The following AIG1 variants were observed in gnomAD, a reference collection of about 807,000 sequenced individuals.
The protein encoded by AIG1 is androgen induced 1.
A neutral mutation model predicts 31.4 loss-of-function variants in AIG1; 23 were observed. That is an observed-to-expected ratio of 0.73 (90% CI 0.53 to 1.04). The LOEUF is 1.04. AIG1 is among the 50% of genes least tolerant of loss of function. The pLI is 0.00. For synonymous variants in AIG1, 100 were observed against 110.5 expected (o/e 0.90, Z 0.60); for missense variants, 274 against 295.0 (o/e 0.93, Z 0.52).
chr6:143,070,970 A>T (rs1370020726), intron 1 of AIG1, among the ~76,000 whole-genome samples: 1 of 152,216 alleles, frequency 6.6e-6, no homozygotes, highest in Non-Finnish European at 1.5e-5. Flanking sequence ...CAGTGGTTAC[A>T]CCTTGCAAAA....
At chr6:143,167,980 G>A (rs1787124890) in intron 3 of AIG1, among the ~76,000 whole-genome samples, 1 of 152,092 alleles carries the variant, frequency 6.6e-6, no homozygotes, top group African/African-American at 2.4e-5. Context: ...TTCTGTATCT[G>A]TGCAACTATA....
intron 3 of AIG1, among the ~76,000 whole-genome samples, chr6:143,217,867 C>T (rs925635725): frequency 6.6e-6 from 1 of 152,186 alleles, no homozygotes; most frequent in Non-Finnish European, 1.5e-5. Flanking sequence ...TTACTGATCA[C>T]GTGGTAGGAT....
At chr6:143,227,728 G>T (rs149079842) in intron 3 of AIG1, among the ~76,000 whole-genome samples, 1 of 152,154 alleles carries the variant, frequency 6.6e-6, no homozygotes, top group Non-Finnish European at 1.5e-5. Flanking sequence ...GGCCATAGGG[G>T]TTGGGTCTTG....
intron 4 of AIG1, among the ~76,000 whole-genome samples, chr6:143,315,074 C>G (rs1048922052): frequency 5.3e-5 from 8 of 152,056 alleles, no homozygotes; most frequent in African/African-American, 1.9e-4. Context: ...ACTATATTTT[C>G]TAAGTGGAAA....
chr6:143,257,970 A>G (rs1201873623), intron 3 of AIG1, among the ~76,000 whole-genome samples: 2 of 152,132 alleles, frequency 1.3e-5, no homozygotes, highest in African/African-American at 4.8e-5. Flanking sequence ...CACAGTGGCT[A>G]GTTCTTTTTC....
rs189408944 is a variant in AIG1 at position 143,209,187 on chromosome 6, G to A, written c.399+44004G>A. Among the ~76,000 whole-genome samples the A allele has an allele frequency of 2.8e-4, 42 of 152,302 alleles. 1 individual carries two copies. Among genetic ancestry groups the A allele is most frequent in the African/African-American group, 9.6e-4 (40 of 41,576 alleles). On this transcript the variant is annotated intron_variant, in intron 3 of 5. Coordinates refer to ENST00000357847, the MANE Select transcript of AIG1 (RefSeq NM_016108.4). ...CTTTAACAAGAAGCAAATGTATATC[G>A]TTGTGATCCATTTACCACGTACTGA...
At position 143,340,974 on chromosome 6, in the gene AIG1, T is replaced by C. The variant is rs1777836420; in HGVS notation, c.*1298T>C. Among the ~76,000 whole-genome samples the C allele has an allele frequency of 6.6e-6, 1 of 152,146 alleles. No homozygotes were observed. The highest frequency in any genetic ancestry group is 2.4e-5 in the African/African-American group (1 of 41,440). Reference sequence around the variant, plus strand: ...TTAAAAAATGAAAAGCATTAAACTTTTTAATTTGAAAAAAATTTAAACTCA... The same window carrying C: ...TTAAAAAATGAAAAGCATTAAACTTCTTAATTTGAAAAAAATTTAAACTCA... On this transcript the variant is annotated 3_prime_UTR_variant, in exon 6 of 6. Coordinates refer to ENST00000357847, the MANE Select transcript of AIG1 (RefSeq NM_016108.4).
In AIG1 at chr6:143,291,305, T is replaced by C. The variant is rs972858188; in HGVS notation, c.515+7080T>C. Among the ~76,000 whole-genome samples, 5 of 152,140 alleles carry C rather than the reference T, an allele frequency of 3.3e-5. No individual in the cohort carries two copies. The highest frequency in any genetic ancestry group is 1.2e-4 in the African/African-American group (5 of 41,434). On this transcript the variant is annotated intron_variant, in intron 4 of 5. Transcript: ENST00000357847. This position sits in a 1 kb window ranked among gnomAD's most constrained non-coding sequence, Gnocchi z 4.2. ...TGATGGTGGCCCACCCAAGAAAGAA[T>C]GGCTCCTGGGCAAGAGTTTTCCAGC... is the stretch of plus-strand genomic sequence containing the variant.
downstream of AIG1, chr6:143,342,156 T>G (rs1777869200): frequency 1.8e-6 from 1 of 553,610 alleles, no homozygotes; most frequent in African/African-American, 1.9e-5. Context: ...ACTCCCGACC[T>G]TAGGTGATCA....
intron 2 of AIG1, among the ~76,000 whole-genome samples, chr6:143,152,114 TA>T (rs1208248550): frequency 1.3e-5 from 2 of 152,338 alleles, no homozygotes; most frequent in East Asian, 3.9e-4. Flanking sequence ...ATTCTGGTCA[TA>T]GTATTCTGTT....
chr6:143,305,027 G>A (rs1314371885), intron 4 of AIG1, among the ~76,000 whole-genome samples: 7 of 152,178 alleles, frequency 4.6e-5, no homozygotes, highest in Non-Finnish European at 1.0e-4. Context: ...GGTGTTTGTA[G>A]TATTCTCTGA....
chr6:143,192,892 A>G (rs1789919533), intron 3 of AIG1, among the ~76,000 whole-genome samples: 1 of 152,230 alleles, frequency 6.6e-6, no homozygotes, highest in Non-Finnish European at 1.5e-5. Flanking sequence ...AGTGGAGTAC[A>G]TAAATCTTTA....
chr6:143,275,802 G>A (rs1321113636), intron 3 of AIG1, among the ~76,000 whole-genome samples: 3 of 152,190 alleles, frequency 2.0e-5, no homozygotes, highest in Non-Finnish European at 1.5e-5. Context: ...TGGTTTGCCT[G>A]TCTGAGGGCA....
At chr6:143,079,795 T>A (rs1027111873) in intron 1 of AIG1, among the ~76,000 whole-genome samples, 3 of 149,584 alleles carry the variant, frequency 2.0e-5, no homozygotes, top group African/African-American at 7.4e-5. Context: ...TTTTTTTTTT[T>A]TTTTTTGCAG....
chr6:143,218,474 T>C (rs1042619811), intron 3 of AIG1, among the ~76,000 whole-genome samples: 2 of 152,226 alleles, frequency 1.3e-5, no homozygotes, highest in African/African-American at 4.8e-5. Context: ...CTTTTCCAAA[T>C]AGGAAATTCG....
chr6:143,089,698 G>A (rs1779128379), intron 1 of AIG1, among the ~76,000 whole-genome samples: 1 of 152,192 alleles, frequency 6.6e-6, no homozygotes, highest in Non-Finnish European at 1.5e-5. Flanking sequence ...GCCTGAGTAT[G>A]AAGAGATCAC....
rs907635777 is a variant in AIG1, at chr6:143,129,833, A to G, written c.142-7002A>G. Among the ~76,000 whole-genome samples, 7 of 152,126 alleles carry G rather than the reference A, an allele frequency of 4.6e-5. No homozygotes were observed. The South Asian group carries it at 1.2e-3, about 27-fold the overall frequency. On this transcript the variant is annotated intron_variant, in intron 1 of 5. Coordinates refer to ENST00000357847, the MANE Select transcript of AIG1 (RefSeq NM_016108.4). ...CTATTTTGAAGGTCTGATATTAGGT[A>G]CATCTATATTTAAGATCATTATTTC...
intron 3 of AIG1, among the ~76,000 whole-genome samples, chr6:143,259,347 C>T (rs1352749814): frequency 6.6e-6 from 1 of 152,184 alleles, no homozygotes; most frequent in African/African-American, 2.4e-5. Flanking sequence ...GCATTACATG[C>T]CATAGACCAC....
chr6:143,315,985 A>G (rs1775713044), intron 4 of AIG1, among the ~76,000 whole-genome samples: 1 of 152,138 alleles, frequency 6.6e-6, no homozygotes, highest in African/African-American at 2.4e-5. Flanking sequence ...ATGATAATAC[A>G]TAAAACTGAT....
Sources: gnomAD v4.1 joint callset for allele counts (sites outside exome capture counted in the v4.1 genomes callset) on GRCh38, gnomAD v4.1.1 for gene constraint, Gnocchi (gnomAD v3.1) non-coding constraint, MANE v1.5 for transcripts, NCBI Gene and HGNC (gene_info 2026-07-23, HGNC 2026-07-21) for gene names.